LEPR: variants seen among roughly 807,000 people sequenced by gnomAD.
LEPR encodes OB receptor.
Under a neutral mutation model 114.7 loss-of-function variants are expected in LEPR, and 56 were observed. The ratio of observed to expected loss-of-function variants is 0.49; its 90% CI spans 0.39 to 0.61. LEPR has a LOEUF of 0.61. Ranked by LOEUF, LEPR falls within the 20% of genes least tolerant of loss-of-function variation. LEPR has a pLI of 0.00. For synonymous variants in LEPR, 443 were observed against 461.4 expected (o/e 0.96, Z 0.51); for missense variants, 1,202 against 1,352.9 (o/e 0.89, Z 1.75).
chr1:65,591,194 G>A (rs746667810), intron 5 of LEPR, among the ~76,000 whole-genome samples: 15 of 151,720 alleles, frequency 9.9e-5, no homozygotes, highest in Non-Finnish European at 1.8e-4. Context: ...TCCTATTTTT[G>A]TGTGACTGGA....
At chr1:65,574,849 G>A (rs1654465213) in intron 5 of LEPR, among the ~76,000 whole-genome samples, 1 of 152,194 alleles carries the variant, frequency 6.6e-6, no homozygotes, top group Admixed American at 6.5e-5. Flanking sequence ...AGGTCTGAAT[G>A]ATATGTACGG....
intron 5 of LEPR, among the ~76,000 whole-genome samples, chr1:65,591,734 T>C (rs1655711817): frequency 6.6e-6 from 1 of 152,020 alleles, no homozygotes; most frequent in Non-Finnish European, 1.5e-5. Context: ...TTCTTGTAGG[T>C]TGTTTATAAT....
At chr1:65,626,284 G>A in intron 19 of LEPR, 1 of 1,294,042 alleles carries the variant, frequency 7.7e-7, no homozygotes, top group Non-Finnish European at 9.9e-7. Flanking sequence ...TTGAAATATT[G>A]CCACATTTTT....
At chr1:65,594,609 G>T (rs2100906122) in intron 6 of LEPR, among the ~76,000 whole-genome samples, 1 of 152,118 alleles carries the variant, frequency 6.6e-6, no homozygotes, top group East Asian at 1.9e-4. Flanking sequence ...GCTCTATTTT[G>T]GACACATTGT....
intron 2 of LEPR, among the ~76,000 whole-genome samples, chr1:65,501,591 A>C (rs918855645): frequency 1.3e-5 from 2 of 152,006 alleles, no homozygotes; most frequent in Non-Finnish European, 2.9e-5. Context: ...ATTCACAGGT[A>C]CTAGGGGTTA....
At position 65,608,808 on chromosome 1, in the gene LEPR, A is replaced by G. The variant is rs1341958331; in HGVS notation, c.1659A>G (p.Leu553=). 3 of 1,613,686 alleles carry G rather than the reference A, an allele frequency of 1.9e-6. No homozygotes were observed. The highest frequency in any genetic ancestry group is 2.5e-6 in the Non-Finnish European group (3 of 1,179,858). ...CAGAAATTACTATAAACATTGGATT[A>G]TTGAAAATATCTTGGGAAAAGCCAG... The part of the protein sequence containing the change: ...VKAEITINIG[L]LKISWEKPVF... Residue 553 remains leucine, a synonymous_variant, in exon 12 of 20, where the codon TTA becomes TTG. Transcript: ENST00000349533.
intron 2 of LEPR, among the ~76,000 whole-genome samples, chr1:65,518,873 T>TTCTTTCTTTCTTTCTTTC (rs763024512): frequency 2.9e-4 from 34 of 117,318 alleles, no homozygotes; most frequent in African/African-American, 7.6e-4. Context: ...CTTTCTTTCT[T>TTCTTTCTTTCTTTCTTTC]TTTCTTTCTT....
intron 2 of LEPR, among the ~76,000 whole-genome samples, chr1:65,509,391 C>T (rs1173003855): frequency 2.0e-5 from 3 of 152,144 alleles, no homozygotes; most frequent in Non-Finnish European, 4.4e-5. Context: ...GCGTTTTTAT[C>T]ATGAAAGGAT....
chr1:65,454,975 C>T (rs1169374133), intron 2 of LEPR, among the ~76,000 whole-genome samples: 16 of 152,220 alleles, frequency 1.1e-4, no homozygotes, highest in African/African-American at 3.6e-4. Flanking sequence ...GGAGGCTTTG[C>T]TCGTTTCTTT....
At chr1:65,488,332 C>T (rs572590917) in intron 2 of LEPR, among the ~76,000 whole-genome samples, 111 of 118,758 alleles carry the variant, frequency 9.3e-4, no homozygotes, top group Admixed American at 2.3e-3. Context: ...CTTTCTTCTT[C>T]TTCTTCTTTT....
chr1:65,488,190 T>C lies in LEPR; in HGVS notation c.-21+62812T>C, dbSNP rs1276254147. Among the ~76,000 whole-genome samples the C allele has an allele frequency of 7.7e-4, 17 of 21,972 alleles. No individual in the cohort carries two copies. In the East Asian group the frequency reaches 9.2e-3, roughly 12 times the overall value. 14.4% of individuals were successfully genotyped at this position (21,972 alleles called of 152,430 possible). On this transcript the variant is annotated intron_variant, in intron 2 of 19. Coordinates refer to ENST00000349533, the MANE Select transcript of LEPR (RefSeq NM_002303.6). ...TTTCTTTCTTTCTTTCTTTCTTTCT[T>C]TCTTTCTTTCTTTCTTTCTTTCTCT...
At chr1:65,457,819 T>C (rs1311620133) in intron 2 of LEPR, among the ~76,000 whole-genome samples, 1 of 152,176 alleles carries the variant, frequency 6.6e-6, no homozygotes, top group African/African-American at 2.4e-5. Flanking sequence ...TACAACAGAA[T>C]CCAAATCCAT....
chr1:65,430,382 G>C (rs1208634482), intron 2 of LEPR: 3 of 177,752 alleles, frequency 1.7e-5, no homozygotes, highest in Non-Finnish European at 3.5e-5. Flanking sequence ...CTAGTTGCAA[G>C]ATGAAGATAT....
intron 2 of LEPR, among the ~76,000 whole-genome samples, chr1:65,523,774 A>T (rs2100588558): frequency 6.6e-6 from 1 of 152,320 alleles, no homozygotes; most frequent in South Asian, 2.1e-4. Context: ...TCCCACCAAA[A>T]ATGCCCACAT....
chr1:65,425,257 C>A, intron 1 of LEPR, 46 bp from the exon 2 acceptor site: 1 of 1,554,918 alleles, frequency 6.4e-7, no homozygotes, highest in Non-Finnish European at 8.9e-7. Flanking sequence ...TAGTGCCTGA[C>A]AACCTCTACT....
At chr1:65,455,492 C>A (rs1646856824) in intron 2 of LEPR, among the ~76,000 whole-genome samples, 2 of 152,140 alleles carry the variant, frequency 1.3e-5, no homozygotes, top group South Asian at 4.1e-4. Context: ...GTTAGTTTTC[C>A]TTCTAACAGA....
intron 2 of LEPR, among the ~76,000 whole-genome samples, chr1:65,519,987 C>T (rs1649548427): frequency 6.6e-6 from 1 of 152,190 alleles, no homozygotes; most frequent in African/African-American, 2.4e-5. Context: ...CCTCAGCCTC[C>T]CAAGTAGCTG....
At chr1:65,465,125 G>A (rs188033584) in intron 2 of LEPR, among the ~76,000 whole-genome samples, 3 of 152,030 alleles carry the variant, frequency 2.0e-5, no homozygotes, top group Non-Finnish European at 4.4e-5. Context: ...ATAGGGTGTC[G>A]ATTTTAGATA....
In LEPR at chr1:65,544,700, C is replaced by T. The variant is rs200034969; in HGVS notation, c.-20-20846C>T. On this transcript the variant is annotated intron_variant, in intron 2 of 19. Transcript: ENST00000349533. ...TTCTGCATCTATTGAGACAATCATG[C>T]GGTTTTTTTTTGCATATAAATATAA... Among the ~76,000 whole-genome samples the T allele has an allele frequency of 2.0e-3, 133 of 67,240 alleles. 1 individual carries two copies. The Middle Eastern group carries it at 0.041, about 20-fold the overall frequency. The allele number at this position is 67,240 out of a possible 152,430, so 44.1% of individuals were successfully genotyped here. A position where few individuals can be genotyped will look rare whatever the true frequency, so the allele number is the denominator to read the frequency against.
Sources: allele counts gnomAD v4.1 joint callset (sites outside exome capture counted in the v4.1 genomes callset), GRCh38; gene constraint gnomAD v4.1.1; transcripts MANE v1.5; gene names NCBI Gene and HGNC (gene_info 2026-07-23, HGNC 2026-07-21).